Variants in SLC10A7 observed in about 807,000 individuals in gnomAD.
SLC10A7 encodes solute carrier family 10 member 7.
A neutral mutation model predicts 43.2 loss-of-function variants in SLC10A7; 29 were observed. The observed-to-expected ratio is 0.67, with a 90% CI of 0.50 to 0.92. The LOEUF is 0.92. Ranked by LOEUF, SLC10A7 falls within the 40% of genes least tolerant of loss-of-function variation. The probability of loss-of-function intolerance (pLI) is 0.00; values close to 1 mark genes in which losing one functional copy is unlikely to be tolerated. For synonymous variants in SLC10A7, 152 were observed against 144.8 expected (o/e 1.05, Z -0.35); for missense variants, 295 against 403.2 (o/e 0.73, Z 2.30).
intron 5 of SLC10A7, among the ~76,000 whole-genome samples, chr4:146,402,415 C>A (rs1739285637): frequency 6.6e-6 from 1 of 152,038 alleles, no homozygotes; most frequent in African/African-American, 2.4e-5. Flanking sequence ...CTGGCCCTAT[C>A]AGCCCCAACT....
chr4:146,509,896 T>A lies in SLC10A7; in HGVS notation c.320+17A>T, dbSNP rs1157133409. ...GCCCCATTAAAAGTGGACCCACTTT[T>A]AAAGATTTAAACATACCCTTTTAAA... On this transcript the variant is annotated intron_variant, in intron 3 of 11. Coordinates refer to ENST00000335472, the MANE Select transcript of SLC10A7 (RefSeq NM_001029998.6). 2 of 1,604,454 alleles carry A rather than the reference T, an allele frequency of 1.2e-6. No individual in the cohort carries two copies. Among genetic ancestry groups the A allele is most frequent in the Admixed American group, 1.7e-5 (1 of 57,624 alleles).
intron 10 of SLC10A7, among the ~76,000 whole-genome samples, chr4:146,275,333 C>T (rs1486541845): frequency 6.6e-6 from 1 of 152,046 alleles, no homozygotes; most frequent in African/African-American, 2.4e-5. Flanking sequence ...AATAGTAGAG[C>T]TAGAAGAGCC....
At chr4:146,380,695 C>T (rs1485718327) in intron 5 of SLC10A7, among the ~76,000 whole-genome samples, 2 of 151,974 alleles carry the variant, frequency 1.3e-5, no homozygotes, top group Admixed American at 6.6e-5. Flanking sequence ...CATTTGATTC[C>T]TACTTATAAT....
chr4:146,511,169 T>C (rs746851052), intron 2 of SLC10A7, among the ~76,000 whole-genome samples: 3 of 151,860 alleles, frequency 2.0e-5, no homozygotes, highest in African/African-American at 7.3e-5. Flanking sequence ...GAAAAAAAAA[T>C]GCACATTAAA....
At chr4:146,393,248 G>A (rs949195601) in intron 5 of SLC10A7, among the ~76,000 whole-genome samples, 1 of 143,656 alleles carries the variant, frequency 7.0e-6, no homozygotes, top group African/African-American at 2.6e-5. Context: ...GTTTCTGTGT[G>A]TTAGGCATTA....
chr4:146,382,376 G>T, intron 5 of SLC10A7, among the ~76,000 whole-genome samples: 1 of 152,104 alleles, frequency 6.6e-6, no homozygotes, highest in East Asian at 1.9e-4. Context: ...CTAACATCAT[G>T]TTACAATTAC....
At chr4:146,510,565 T>G (rs1187483258) in intron 2 of SLC10A7, among the ~76,000 whole-genome samples, 1 of 152,140 alleles carries the variant, frequency 6.6e-6, no homozygotes, top group African/African-American at 2.4e-5. Flanking sequence ...GGCCTAAAAT[T>G]TTTTAAATGT....
At chr4:146,509,876 A>C in intron 3 of SLC10A7, 37 bp downstream of exon 3, 1 of 1,588,880 alleles carries the variant, frequency 6.3e-7, no homozygotes, top group Non-Finnish European at 8.6e-7. Flanking sequence ...GAGATGCCCC[A>C]TTAAAAGTGG....
At chr4:146,394,740 C>G (rs1738691715) in intron 5 of SLC10A7, among the ~76,000 whole-genome samples, 1 of 152,108 alleles carries the variant, frequency 6.6e-6, no homozygotes, top group Non-Finnish European at 1.5e-5. Context: ...ACACAATAAA[C>G]ATGAACCACA....
Position 146,509,848 on chromosome 4 carries a change from G to A in SLC10A7, c.320+65C>T, listed in dbSNP as rs552543872. ...AGCCCTTTTGTATATAGTTGCCATAGAAACAATAATGTCTCTAGAGATGCC... is the reference window on the plus strand; with the variant it reads ...AGCCCTTTTGTATATAGTTGCCATAAAAACAATAATGTCTCTAGAGATGCC... On this transcript the variant is annotated intron_variant, in intron 3 of 11. Coordinates refer to ENST00000335472, the MANE Select transcript of SLC10A7 (RefSeq NM_001029998.6). 1.8e-5 allele frequency: 27 copies of A among 1,469,656 alleles called. No individual in the cohort carries two copies. The African/African-American group carries it at 3.8e-4, about 21-fold the overall frequency. The allele number at this position is 1,469,656 out of a possible 1,614,324, so 91.0% of individuals were successfully genotyped here. A position where few individuals can be genotyped will look rare whatever the true frequency, so the allele number is the denominator to read the frequency against.
rs183611376 is a variant in SLC10A7 at position 146,348,704 on chromosome 4, G to T, written c.436-22708C>A. Among the ~76,000 whole-genome samples the T allele has an allele frequency of 1.2e-4, 19 of 152,202 alleles. No individual in the cohort carries two copies. The East Asian group carries it at 3.7e-3, about 29-fold the overall frequency. ...AAATTTTCCTGAACCACACATTCTT[G>T]AATGTATATCTTCATTGTTCAACAC... On this transcript the variant is annotated intron_variant, in intron 5 of 11. Transcript: ENST00000335472.
chr4:146,328,860 C>A (rs1733341128), intron 5 of SLC10A7, among the ~76,000 whole-genome samples: 1 of 152,188 alleles, frequency 6.6e-6, no homozygotes, highest in Admixed American at 6.5e-5. Flanking sequence ...TTGGAAGAAG[C>A]AACTGTTATG....
At chr4:146,355,690 C>T (rs181825201) in intron 5 of SLC10A7, among the ~76,000 whole-genome samples, 1,612 of 151,760 alleles carry the variant, frequency 0.011, 45 homozygotes, top group East Asian at 0.086. Flanking sequence ...ACATATACAC[C>T]ATGGAATACC....
intron 5 of SLC10A7, among the ~76,000 whole-genome samples, chr4:146,353,917 C>T (rs1735344834): frequency 7.3e-6 from 1 of 136,352 alleles, no homozygotes; most frequent in African/African-American, 2.8e-5. Flanking sequence ...TATGACAAAC[C>T]CACAGCCAAT....
intron 4 of SLC10A7, among the ~76,000 whole-genome samples, chr4:146,476,003 C>T (rs1733991138): frequency 6.6e-6 from 1 of 152,126 alleles, no homozygotes; most frequent in Admixed American, 6.6e-5. Context: ...TCTGAATTGC[C>T]TGCCTTTACA....
intron 7 of SLC10A7, among the ~76,000 whole-genome samples, chr4:146,301,838 A>C (rs1219191458): frequency 6.6e-6 from 1 of 152,186 alleles, no homozygotes; most frequent in Non-Finnish European, 1.5e-5. Flanking sequence ...GGTAGATGCA[A>C]GCATATAGGT....
chr4:146,488,561 A>G (rs1327797838), intron 4 of SLC10A7, among the ~76,000 whole-genome samples: 1 of 152,200 alleles, frequency 6.6e-6, no homozygotes, highest in Non-Finnish European at 1.5e-5. Flanking sequence ...TTTCATCAAT[A>G]GATTTTAAAA....
At chr4:146,273,915 C>T (rs987780849) in intron 10 of SLC10A7, among the ~76,000 whole-genome samples, 2 of 152,088 alleles carry the variant, frequency 1.3e-5, no homozygotes, top group African/African-American at 4.8e-5. Flanking sequence ...AGAACACTGA[C>T]TTCTGGGAAG....
At chr4:146,502,734 G>T (rs1736537524) in intron 4 of SLC10A7, among the ~76,000 whole-genome samples, 1 of 152,204 alleles carries the variant, frequency 6.6e-6, no homozygotes, top group Non-Finnish European at 1.5e-5. Flanking sequence ...AAATATGTAT[G>T]CTTAGTAAAA....
Sources: gnomAD v4.1 joint callset for allele counts (sites outside exome capture counted in the v4.1 genomes callset) on GRCh38, gnomAD v4.1.1 for gene constraint, MANE v1.5 for transcripts, NCBI Gene and HGNC (gene_info 2026-07-23, HGNC 2026-07-21) for gene names.